The following HS3ST4 variants were observed in gnomAD, a reference collection of about 807,000 sequenced individuals.
HS3ST4 encodes the protein heparan sulfate glucosamine 3-O-sulfotransferase 4.
A neutral mutation model predicts 29.2 loss-of-function variants in HS3ST4; 17 were observed. The ratio of observed to expected loss-of-function variants is 0.58; its 90% confidence interval spans 0.40 to 0.87. HS3ST4 has a LOEUF of 0.87. HS3ST4 is among the 40% of genes least tolerant of loss of function. The probability of loss-of-function intolerance (pLI) is 0.00; values close to 1 mark genes in which losing one functional copy is unlikely to be tolerated. For synonymous variants in HS3ST4, 314 were observed against 285.7 expected (o/e 1.10, Z -1.00); for missense variants, 627 against 634.5 (o/e 0.99, Z 0.13).
At chr16:25,831,713 A>T (rs1465568802) in intron 1 of HS3ST4, among the ~76,000 whole-genome samples, 1 of 152,212 alleles carries the variant, frequency 6.6e-6, no homozygotes. Flanking sequence ...TAATGATGAA[A>T]TCATTCCTGG....
intron 1 of HS3ST4, among the ~76,000 whole-genome samples, chr16:25,736,111 T>C (rs576616605): frequency 3.9e-5 from 6 of 152,326 alleles, no homozygotes; most frequent in Admixed American, 3.9e-4. Context: ...TTTCATCTCC[T>C]CATACCACAG....
intron 1 of HS3ST4, among the ~76,000 whole-genome samples, chr16:25,728,748 C>G (rs1461226702): frequency 6.6e-6 from 1 of 152,146 alleles, no homozygotes; most frequent in African/African-American, 2.4e-5. Context: ...TTCCTTACAT[C>G]TTCTGTTTCT....
At position 26,106,541 on chromosome 16, in the gene HS3ST4, G is replaced by C. The variant is rs1053181225; in HGVS notation, c.735-29071G>C. ...AGTATGAGGTTTGAATAACTCAAAG[G>C]GTCCTGATTTATAGTCATGCAGCTC... is the stretch of plus-strand genomic sequence containing the variant. On this transcript the variant is annotated intron_variant, in intron 1 of 1. Coordinates refer to ENST00000331351, the MANE Select transcript of HS3ST4 (RefSeq NM_006040.3). Among the ~76,000 whole-genome samples the C allele has an allele frequency of 4.6e-5, 7 of 152,142 alleles. No homozygotes were observed. The East Asian group carries it at 9.6e-4, about 21-fold the overall frequency.
intron 1 of HS3ST4, among the ~76,000 whole-genome samples, chr16:25,863,297 G>A (rs1478600692): frequency 6.6e-6 from 1 of 152,102 alleles, no homozygotes; most frequent in African/African-American, 2.4e-5. Context: ...TGGCCAGGAT[G>A]ATCTCAATCT....
At position 26,135,771 on chromosome 16, in the gene HS3ST4, C is replaced by T. The variant is rs1898274899; in HGVS notation, c.894C>T (p.Tyr298=). 1 of 1,613,894 alleles carries T rather than the reference C, an allele frequency of 6.2e-7. No homozygotes were observed. Among genetic ancestry groups the T allele is most frequent in the Non-Finnish European group, 8.5e-7 (1 of 1,179,944 alleles). Residue 298 remains tyrosine (Y), a synonymous_variant, in exon 2 of 2, where the codon TAC becomes TAT. Transcript: ENST00000331351. Reference sequence around the variant, plus strand: ...CCGTGACCAGGGCCATCTCTGACTACACGCAGACACTGTCAAAGAAACCCG... The same window carrying T: ...CCGTGACCAGGGCCATCTCTGACTATACGCAGACACTGTCAAAGAAACCCG... The part of the protein sequence containing the change: ...RNPVTRAISD[Y]TQTLSKKPEI...
At chr16:25,703,431 A>G (rs1395294383) in intron 1 of HS3ST4, among the ~76,000 whole-genome samples, 2 of 152,214 alleles carry the variant, frequency 1.3e-5, no homozygotes, top group East Asian at 3.9e-4. Flanking sequence ...ATAGGCACTG[A>G]TATTACCCAC....
intron 1 of HS3ST4, among the ~76,000 whole-genome samples, chr16:25,828,294 T>TTCCCTCTCTC (rs749295777): frequency 1.1e-4 from 5 of 45,118 alleles, no homozygotes; most frequent in Non-Finnish European, 2.1e-4. Context: ...CTTTCTTTCT[T>TTCCCTCTCTC]TCTTTCCCTC....
intron 1 of HS3ST4, among the ~76,000 whole-genome samples, chr16:26,006,300 GAAAAAAAAA>G (rs11461863): frequency 2.3e-4 from 16 of 68,666 alleles, no homozygotes; most frequent in East Asian, 1.7e-3. Flanking sequence ...CTCTGTTTCA[GAAAAAAAAA>G]AAAAAAAAAA....
chr16:25,838,549 C>T (rs1045844382), intron 1 of HS3ST4, among the ~76,000 whole-genome samples: 2 of 152,168 alleles, frequency 1.3e-5, no homozygotes, highest in African/African-American at 4.8e-5. Context: ...CCTCAGCATG[C>T]TATTTACCCT....
intron 1 of HS3ST4, among the ~76,000 whole-genome samples, chr16:26,004,897 G>A (rs1233378518): frequency 6.6e-6 from 1 of 152,104 alleles, no homozygotes; most frequent in Non-Finnish European, 1.5e-5. Flanking sequence ...TCTGGATTTT[G>A]TCTCCATATG....
chr16:25,715,322 C>G (rs1361960651), intron 1 of HS3ST4, among the ~76,000 whole-genome samples: 1 of 103,420 alleles, frequency 9.7e-6, no homozygotes, highest in African/African-American at 3.7e-5. Context: ...GAGCGAGACT[C>G]CGTCTCAAAA....
At chr16:25,889,127 A>G (rs1967982434) in intron 1 of HS3ST4, among the ~76,000 whole-genome samples, 1 of 152,194 alleles carries the variant, frequency 6.6e-6, no homozygotes, top group Non-Finnish European at 1.5e-5. Flanking sequence ...AATATGCGCC[A>G]CAGGAGGAGA....
intron 1 of HS3ST4, among the ~76,000 whole-genome samples, chr16:25,879,221 G>A (rs946607723): frequency 6.6e-6 from 1 of 152,168 alleles, no homozygotes; most frequent in African/African-American, 2.4e-5. Context: ...AATATTCATA[G>A]CTATAATTGC....
chr16:25,842,341 A>G (rs906527438), intron 1 of HS3ST4, among the ~76,000 whole-genome samples: 29 of 152,362 alleles, frequency 1.9e-4, no homozygotes, highest in African/African-American at 6.7e-4. Flanking sequence ...GTTAACACAC[A>G]CTGAGATAAC....
At chr16:25,941,658 G>C (rs185329130) in intron 1 of HS3ST4, among the ~76,000 whole-genome samples, 4 of 151,946 alleles carry the variant, frequency 2.6e-5, no homozygotes, top group Admixed American at 2.6e-4. Context: ...CTCACTGCAA[G>C]CTCTGCCTCC....
At chr16:26,101,830 C>A (rs754427441) in intron 1 of HS3ST4, among the ~76,000 whole-genome samples, 1 of 152,050 alleles carries the variant, frequency 6.6e-6, no homozygotes, top group Non-Finnish European at 1.5e-5. Flanking sequence ...TTTTTATAAC[C>A]AAATAACCAA....
At chr16:25,771,398 C>G (rs769771913) in intron 1 of HS3ST4, among the ~76,000 whole-genome samples, 1 of 152,058 alleles carries the variant, frequency 6.6e-6, no homozygotes, top group Non-Finnish European at 1.5e-5. Context: ...GCTCTGTCTG[C>G]CCCAGCCACA....
At chr16:26,104,864 C>G (rs888580948) in intron 1 of HS3ST4, among the ~76,000 whole-genome samples, 5 of 152,182 alleles carry the variant, frequency 3.3e-5, no homozygotes, top group Admixed American at 1.3e-4. Context: ...CTGGAGCAGT[C>G]CTTGGTTCTT....
chr16:26,044,345 A>G (rs967259036), intron 1 of HS3ST4, among the ~76,000 whole-genome samples: 1 of 152,180 alleles, frequency 6.6e-6, no homozygotes, highest in African/African-American at 2.4e-5. Flanking sequence ...TCAGCCCCAC[A>G]CCCCCATTCT....
Sources: allele counts gnomAD v4.1 joint callset (sites outside exome capture counted in the v4.1 genomes callset), GRCh38; gene constraint gnomAD v4.1.1; transcripts MANE v1.5; gene names NCBI Gene and HGNC (gene_info 2026-07-23, HGNC 2026-07-21).